Variants in TNRC6B observed in about 807,000 individuals in gnomAD.
TNRC6B encodes trinucleotide repeat-containing gene 6B protein.
In TNRC6B, 52 loss-of-function variants were observed where a neutral mutation model predicts 203.6. The ratio of observed to expected loss-of-function variants is 0.26; its 90% CI spans 0.20 to 0.32. The LOEUF (loss-of-function observed/expected upper bound fraction) is 0.32, where lower values mean the gene tolerates loss of function less well. TNRC6B is among the 10% of genes least tolerant of loss of function. TNRC6B has a pLI of 1.00. For missense variants in TNRC6B, 1,923 were observed against 2,286.2 expected, an observed-to-expected ratio of 0.84 and a Z score of 3.24; for synonymous variants, 838 against 845.7, an observed-to-expected ratio of 0.99 and a Z score of 0.16.
intron 2 of TNRC6B, among the ~76,000 whole-genome samples, chr22:40,120,455 T>A (rs538548681): frequency 6.6e-6 from 1 of 152,082 alleles, no homozygotes; most frequent in Non-Finnish European, 1.5e-5. Flanking sequence ...ATTAGCATGT[T>A]GTGTGCTGAG....
chr22:40,219,941 C>A (rs924821156), intron 1 of TNRC6B, among the ~76,000 whole-genome samples: 2 of 152,176 alleles, frequency 1.3e-5, no homozygotes, highest in Admixed American at 6.5e-5. Flanking sequence ...GTACCCAGAA[C>A]AAAGCGTGGC....
chr22:40,078,839 C>T (rs576753112), intron 1 of TNRC6B, among the ~76,000 whole-genome samples: 321 of 151,638 alleles, frequency 2.1e-3, no homozygotes, highest in African/African-American at 7.5e-3. Flanking sequence ...TTTGGGAGGC[C>T]GAGGTGGGTG....
chr22:40,218,149 C>G (rs1253919038), intron 1 of TNRC6B, among the ~76,000 whole-genome samples: 1 of 151,670 alleles, frequency 6.6e-6, no homozygotes, highest in Non-Finnish European at 1.5e-5. Flanking sequence ...TTGTAATATT[C>G]TTAGAGATGA....
rs764735622 is a variant in TNRC6B, at chr22:40,155,285, T to TTTG, written c.46-814_46-812dup. ...CAAATGTAATAGATAATGCAAACTT[T>TTTG]TTGTTGTTGTTGTTGTTGGGGGAGA... On this transcript the variant is annotated intron_variant, in intron 3 of 23. Transcript: ENST00000301923. Among the ~76,000 whole-genome samples, 39 of 152,110 alleles carry TTTG rather than the reference T, an allele frequency of 2.6e-4. 1 individual carries two copies. The Middle Eastern group carries it at 0.014, about 53-fold the overall frequency.
At chr22:40,062,244 A>T (rs746578726) in intron 1 of TNRC6B, among the ~76,000 whole-genome samples, 7 of 152,110 alleles carry the variant, frequency 4.6e-5, no homozygotes, top group Non-Finnish European at 1.0e-4. Context: ...TCTGTTGCCC[A>T]GGCTGGAGTG....
At chr22:40,141,891 C>T (rs2068647430) in intron 3 of TNRC6B, among the ~76,000 whole-genome samples, 1 of 151,558 alleles carries the variant, frequency 6.6e-6, no homozygotes, top group South Asian at 2.1e-4. Flanking sequence ...TCTCCTGCCT[C>T]AGCCTCCCGA....
chr22:40,155,231 G>C (rs1342425056), intron 3 of TNRC6B, among the ~76,000 whole-genome samples: 1 of 152,148 alleles, frequency 6.6e-6, no homozygotes, highest in African/African-American at 2.4e-5. Context: ...AGTAAGTGCA[G>C]TTACTAATGT....
At chr22:40,168,566 T>C (rs2068942736) in intron 4 of TNRC6B, among the ~76,000 whole-genome samples, 1 of 152,226 alleles carries the variant, frequency 6.6e-6, no homozygotes, top group Non-Finnish European at 1.5e-5. Flanking sequence ...TTAAATAGTA[T>C]AAATGTTAAC....
chr22:40,164,973 G>T (rs1266516832), intron 4 of TNRC6B, among the ~76,000 whole-genome samples: 4 of 150,942 alleles, frequency 2.7e-5, no homozygotes, highest in Non-Finnish European at 4.4e-5. Flanking sequence ...GTAGAGACAC[G>T]GTTTCAGCAT....
chr22:40,299,304 A>G (rs1336087156), intron 12 of TNRC6B, among the ~76,000 whole-genome samples: 3 of 148,194 alleles, frequency 2.0e-5, no homozygotes, highest in African/African-American at 7.5e-5. Context: ...CAATGGCACC[A>G]TCTTGGCTCA....
intron 7 of TNRC6B, 134 bp downstream of exon 7, chr22:40,273,734 G>C: frequency 1.1e-6 from 1 of 948,724 alleles, no homozygotes; most frequent in Non-Finnish European, 1.5e-6. Context: ...GGACAGTCAC[G>C]ACTCGCTGAG....
At chr22:40,073,288 G>T (rs5995808) in intron 1 of TNRC6B, among the ~76,000 whole-genome samples, 55,730 of 151,774 alleles carry the variant, frequency 0.37, 15,011 homozygotes, top group African/African-American at 0.77. Context: ...TATAGAACAC[G>T]TTTTTTGTTA....
rs184528909 is a variant in TNRC6B, at chr22:40,301,086, C to T, written c.3937-64C>T. ...TAGCCTCTGATGGCAAAGAACCGGG[C>T]ACAGTCTTTTCCTGGGAAGTTCGGG... On this transcript the variant is annotated intron_variant, in intron 14 of 22. Coordinates refer to ENST00000454349, the MANE Select transcript of TNRC6B (RefSeq NM_001162501.2). 4.7e-5 allele frequency: 73 copies of T among 1,561,518 alleles called. 1 individual carries two copies. The East Asian group carries it at 1.7e-3, about 35-fold the overall frequency.
intron 4 of TNRC6B, among the ~76,000 whole-genome samples, chr22:40,170,845 ATATG>A (rs1175734281): frequency 1.1e-5 from 1 of 91,394 alleles, no homozygotes; most frequent in Admixed American, 1.1e-4. Context: ...ATATGTACAT[ATATG>A]TGTGTATATA....
At chr22:40,284,462 G>GTA (rs1470216989) in intron 11 of TNRC6B, among the ~76,000 whole-genome samples, 1 of 152,210 alleles carries the variant, frequency 6.6e-6, no homozygotes, top group Non-Finnish European at 1.5e-5. Context: ...ATAATACTCA[G>GTA]TATAAGCAGT....
At position 40,265,562 on chromosome 22, in the gene TNRC6B, A is replaced by C. The variant is rs188910913; in HGVS notation, c.1332A>C (p.Gly444=). Residue 444 remains glycine (G), a synonymous_variant, in exon 5 of 23, where the codon GGA becomes GGC. Coordinates refer to ENST00000454349, the MANE Select transcript of TNRC6B (RefSeq NM_001162501.2). ...TDTVSGQSNS[G]NNGNNGKERE... is the part of the protein sequence containing the mutation. ...CAGTCTCTGGACAAAGCAATTCTGGAAACAATGGGAACAATGGAAAAGAGA... is the reference window on the plus strand; with the variant it reads ...CAGTCTCTGGACAAAGCAATTCTGGCAACAATGGGAACAATGGAAAAGAGA... 6.2e-7 allele frequency: 1 copy of C among 1,613,856 alleles called. No individual in the cohort carries two copies. Among genetic ancestry groups the C allele is most frequent in the African/African-American group, 1.3e-5 (1 of 75,022 alleles).
At chr22:40,314,676 T>C (rs1355358498) in intron 19 of TNRC6B, among the ~76,000 whole-genome samples, 1 of 152,242 alleles carries the variant, frequency 6.6e-6, no homozygotes, top group Non-Finnish European at 1.5e-5. Context: ...GGGTCACCAC[T>C]TCTGTTGCTC....
intron 5 of TNRC6B, among the ~76,000 whole-genome samples, chr22:40,268,033 A>G (rs1258444996): frequency 1.3e-5 from 2 of 152,208 alleles, no homozygotes; most frequent in African/African-American, 4.8e-5. Context: ...ATATAGTTCA[A>G]CAAATTAAGG....
chr22:40,273,245 G>A lies in TNRC6B; in HGVS notation c.2966-180G>A, dbSNP rs186857279. Among the ~76,000 whole-genome samples the A allele has an allele frequency of 2.4e-4, 36 of 152,314 alleles. No homozygotes were observed. The East Asian group carries it at 5.8e-3, about 24-fold the overall frequency. On this transcript the variant is annotated intron_variant, in intron 6 of 22. Coordinates refer to ENST00000454349, the MANE Select transcript of TNRC6B (RefSeq NM_001162501.2). ...GTTTGTTAACTTTCTGTGTATCATT[G>A]AAGCTTTATGGATTTTAGTTTCCTG... is the stretch of plus-strand genomic sequence containing the variant.
Sources: allele counts gnomAD v4.1 joint callset (sites outside exome capture counted in the v4.1 genomes callset), GRCh38; gene constraint gnomAD v4.1.1; transcripts MANE v1.5; gene names NCBI Gene and HGNC (gene_info 2026-07-23, HGNC 2026-07-21).